Variants in GALNTL6 observed in about 807,000 individuals in gnomAD.
GALNTL6 encodes polypeptide N-acetylgalactosaminyltransferase like 6, also known as polypeptide N-acetylgalactosaminyltransferase-like 6.
In GALNTL6, 46 loss-of-function variants were observed where a neutral mutation model predicts 73.7. The ratio of observed to expected loss-of-function variants is 0.62; its 90% CI spans 0.49 to 0.80. The LOEUF (loss-of-function observed/expected upper bound fraction) is 0.80, where lower values mean the gene tolerates loss of function less well. Among genes scored for constraint, GALNTL6 ranks in the 30% least tolerant of loss-of-function variants. The probability of loss-of-function intolerance (pLI) is 0.00; values close to 1 mark genes in which losing one functional copy is unlikely to be tolerated. For synonymous variants in GALNTL6, 259 were observed against 263.7 expected (o/e 0.98, Z 0.17); for missense variants, 604 against 755.0 (o/e 0.80, Z 2.34).
intron 3 of GALNTL6, among the ~76,000 whole-genome samples, chr4:172,289,620 C>T (rs1241990001): frequency 2.0e-5 from 3 of 152,140 alleles, no homozygotes; most frequent in Non-Finnish European, 4.4e-5. Context: ...TTTAAAATGA[C>T]CTGAGAAGCT....
intron 5 of GALNTL6, among the ~76,000 whole-genome samples, chr4:172,444,145 A>G (rs992476565): frequency 9.9e-5 from 15 of 152,204 alleles, no homozygotes; most frequent in African/African-American, 3.1e-4. Context: ...TTTTAAGACT[A>G]ACACACTGAA....
intron 2 of GALNTL6, among the ~76,000 whole-genome samples, chr4:171,937,461 A>C (rs17057585): frequency 0.035 from 5,392 of 152,270 alleles, 294 homozygotes; most frequent in East Asian, 0.2. Context: ...TGACTATAAA[A>C]GAGCATGTGA....
intron 3 of GALNTL6, among the ~76,000 whole-genome samples, chr4:172,265,596 C>T (rs1738423024): frequency 6.6e-6 from 1 of 151,956 alleles, no homozygotes; most frequent in African/African-American, 2.4e-5. Flanking sequence ...TTATTGTCAC[C>T]AATCAGAAAT....
intron 5 of GALNTL6, among the ~76,000 whole-genome samples, chr4:172,647,533 C>A (rs1048715328): frequency 6.6e-6 from 1 of 151,952 alleles, no homozygotes; most frequent in African/African-American, 2.4e-5. Context: ...GGCTGAGGCA[C>A]GCTCTTCTAA....
chr4:172,178,541 T>C (rs376281040), intron 2 of GALNTL6, among the ~76,000 whole-genome samples: 4 of 152,260 alleles, frequency 2.6e-5, no homozygotes, highest in Admixed American at 6.5e-5. Flanking sequence ...GTTCCTGTGT[T>C]TGTTTGCTGA....
intron 5 of GALNTL6, among the ~76,000 whole-genome samples, chr4:172,704,186 T>C (rs1408625127): frequency 6.6e-6 from 1 of 151,996 alleles, no homozygotes; most frequent in Non-Finnish European, 1.5e-5. Context: ...TTAGTCTCAA[T>C]TTTATTTATT....
chr4:171,870,914 A>G (rs768763612), intron 2 of GALNTL6, among the ~76,000 whole-genome samples: 12 of 152,180 alleles, frequency 7.9e-5, no homozygotes, highest in Non-Finnish European at 1.5e-4. Flanking sequence ...TCTTGTGTTT[A>G]TTGAGATAGT....
intron 2 of GALNTL6, among the ~76,000 whole-genome samples, chr4:172,107,745 G>A (rs1732722817): frequency 6.6e-6 from 1 of 151,260 alleles, no homozygotes; most frequent in Non-Finnish European, 1.5e-5. Flanking sequence ...GTTAATGGGT[G>A]CAGCACACCA....
chr4:172,374,570 A>G (rs1483322835), intron 5 of GALNTL6, among the ~76,000 whole-genome samples: 2 of 152,128 alleles, frequency 1.3e-5, no homozygotes, highest in East Asian at 1.9e-4. Flanking sequence ...TGAGTAATTC[A>G]TGGGCTTTTT....
In GALNTL6 at chr4:172,899,938, TTGG is replaced by T. The variant is rs1380019705; in HGVS notation, c.1041+17033_1041+17035del. Among the ~76,000 whole-genome samples the T allele has an allele frequency of 2.0e-5, 3 of 152,304 alleles. No individual in the cohort carries two copies. In the South Asian group the frequency reaches 6.2e-4, roughly 32 times the overall value. On this transcript the variant is annotated intron_variant, in intron 8 of 12. Coordinates refer to ENST00000506823, the MANE Select transcript of GALNTL6 (RefSeq NM_001034845.3). ...CGCAGAAGTCATTTTTGTTGCCATCTTGGTTTTGGTGGGTTTTGGCCAGCTTCC... is the reference window on the plus strand; with the variant it reads ...CGCAGAAGTCATTTTTGTTGCCATCTTTTTGGTGGGTTTTGGCCAGCTTCC...
At chr4:172,935,497 GT>G (rs1748565565) in intron 9 of GALNTL6, among the ~76,000 whole-genome samples, 1 of 151,898 alleles carries the variant, frequency 6.6e-6, no homozygotes, top group Non-Finnish European at 1.5e-5. Context: ...CCAGGAGCTG[GT>G]TTTTTGAAAA....
At chr4:171,867,864 C>A (rs1736012525) in intron 2 of GALNTL6, among the ~76,000 whole-genome samples, 1 of 152,174 alleles carries the variant, frequency 6.6e-6, no homozygotes, top group Non-Finnish European at 1.5e-5. Flanking sequence ...TTTATTCATA[C>A]TAACATTATT....
intron 5 of GALNTL6, among the ~76,000 whole-genome samples, chr4:172,636,549 A>G (rs1344951615): frequency 6.6e-6 from 1 of 152,184 alleles, no homozygotes; most frequent in African/African-American, 2.4e-5. Context: ...CAATGGAAGC[A>G]GAGGTCAGAG....
At chr4:172,456,022 G>T (rs1212191250) in intron 5 of GALNTL6, among the ~76,000 whole-genome samples, 2 of 152,202 alleles carry the variant, frequency 1.3e-5, no homozygotes, top group African/African-American at 4.8e-5. Flanking sequence ...AATCTTTGCT[G>T]TTCTGCAGCC....
intron 4 of GALNTL6, among the ~76,000 whole-genome samples, chr4:172,322,414 A>T (rs1740793002): frequency 6.6e-6 from 1 of 152,134 alleles, no homozygotes; most frequent in African/African-American, 2.4e-5. Context: ...CTATAACACC[A>T]ACATTGAAGA....
intron 9 of GALNTL6, among the ~76,000 whole-genome samples, chr4:172,934,328 A>T (rs1159566695): frequency 6.6e-6 from 1 of 152,148 alleles, no homozygotes; most frequent in African/African-American, 2.4e-5. Flanking sequence ...CTAATATTTC[A>T]CCCAGCCTCA....
intron 7 of GALNTL6, among the ~76,000 whole-genome samples, chr4:172,818,124 C>G (rs895173330): frequency 1.8e-4 from 27 of 152,148 alleles, no homozygotes; most frequent in African/African-American, 6.5e-4. Context: ...CATGTAAATT[C>G]ACTTCACTGC....
intron 5 of GALNTL6, among the ~76,000 whole-genome samples, chr4:172,786,122 A>C (rs920122046): frequency 1.3e-5 from 2 of 151,336 alleles, no homozygotes; most frequent in Non-Finnish European, 2.9e-5. Flanking sequence ...GAGAGACACT[A>C]ATGAAAAAAA....
chr4:172,457,228 C>CA (rs1227586253), intron 5 of GALNTL6, among the ~76,000 whole-genome samples: 2 of 150,628 alleles, frequency 1.3e-5, no homozygotes, highest in Middle Eastern at 6.8e-3. Context: ...AAAAAAAACC[C>CA]AAAAAAACAG....
Sources: gnomAD v4.1 joint callset for allele counts (sites outside exome capture counted in the v4.1 genomes callset) on GRCh38, gnomAD v4.1.1 for gene constraint, MANE v1.5 for transcripts, NCBI Gene and HGNC (gene_info 2026-07-23, HGNC 2026-07-21) for gene names.